Variants in MARCHF8 observed in about 807,000 individuals in gnomAD.
The protein encoded by MARCHF8 is membrane associated ring-CH-type finger 8.
Under a neutral mutation model 51.6 loss-of-function variants are expected in MARCHF8, and 40 were observed. That is an observed-to-expected ratio of 0.77 (90% CI 0.60 to 1.01). MARCHF8 has a LOEUF of 1.01. MARCHF8 is among the 50% of genes least tolerant of loss of function. The probability of loss-of-function intolerance (pLI) is 0.00; values close to 1 mark genes in which losing one functional copy is unlikely to be tolerated. For missense variants in MARCHF8, 685 were observed against 708.6 expected (o/e 0.97, Z 0.38); for synonymous variants, 263 against 280.3 (o/e 0.94, Z 0.62).
At chr10:45,496,594 T>C (rs1037864510) in intron 2 of MARCHF8, among the ~76,000 whole-genome samples, 1 of 152,146 alleles carries the variant, frequency 6.6e-6, no homozygotes, top group Admixed American at 6.5e-5. Flanking sequence ...TCCTTTCCTT[T>C]ATGTCTTTAA....
chr10:45,498,499 G>GAAGTCTCGCTCTGTCACC (rs2043217015), intron 2 of MARCHF8, among the ~76,000 whole-genome samples: 1 of 148,760 alleles, frequency 6.7e-6, no homozygotes, highest in Non-Finnish European at 1.5e-5. Flanking sequence ...TTTTTTTTGA[G>GAAGTCTCGCTCTGTCACC]AAGTCTCGCT....
chr10:45,488,918 C>A (rs2043032824), intron 3 of MARCHF8, among the ~76,000 whole-genome samples: 1 of 152,186 alleles, frequency 6.6e-6, no homozygotes, highest in Non-Finnish European at 1.5e-5. Context: ...CACAGTGGCA[C>A]CCCGAACAGC....
At chr10:45,575,323 C>T (rs11239565) in intron 1 of MARCHF8, among the ~76,000 whole-genome samples, 44,177 of 152,024 alleles carry the variant, frequency 0.29, 6,994 homozygotes, top group African/African-American at 0.41. Context: ...TCAATCTCTT[C>T]CCACACAAGG....
At position 45,459,169 on chromosome 10, in the gene MARCHF8, A is replaced by G; in HGVS notation, c.1368T>C (p.Tyr456=). 6.2e-7 allele frequency: 1 copy of G among 1,614,106 alleles called. No homozygotes were observed. The highest frequency in any genetic ancestry group is 8.5e-7 in the Non-Finnish European group (1 of 1,180,030). The change falls in exon 7 of 8, where the codon TAT becomes TAC. Residue 456 remains tyrosine (Y), a synonymous_variant. Coordinates refer to ENST00000453424, the MANE Select transcript of MARCHF8 (RefSeq NM_001282866.2). ...IAITCVVWSL[Y]VLIDRTAEEI... is the part of the protein sequence containing the mutation. ...CCTCAGCAGTACGGTCAATGAGCAC[A>G]TACAAGGACCAGACCACACATGTGA...
chr10:45,537,659 A>C (rs1449968960), upstream of MARCHF8, among the ~76,000 whole-genome samples: 2 of 151,872 alleles, frequency 1.3e-5, no homozygotes, highest in Non-Finnish European at 2.9e-5. Context: ...TCTCAAAAAA[A>C]AAAAAAAAGA....
chr10:45,559,072 G>A (rs1439307758), intron 1 of MARCHF8, among the ~76,000 whole-genome samples: 1 of 152,136 alleles, frequency 6.6e-6, no homozygotes, highest in Non-Finnish European at 1.5e-5. Context: ...TATTCAGGAG[G>A]AATATGTATT....
intron 2 of MARCHF8, among the ~76,000 whole-genome samples, chr10:45,532,289 T>G (rs2043900536): frequency 6.6e-6 from 1 of 152,238 alleles, no homozygotes; most frequent in Non-Finnish European, 1.5e-5. Context: ...TGAGGGTGTA[T>G]ATCAAAAAGA....
intron 2 of MARCHF8, among the ~76,000 whole-genome samples, chr10:45,510,057 G>C (rs561028177): frequency 1.1e-4 from 17 of 152,298 alleles, no homozygotes; most frequent in Admixed American, 8.5e-4. Context: ...GAATGGGATA[G>C]AGTAGTACAG....
At chr10:45,497,184 T>C (rs142174655) in intron 2 of MARCHF8, among the ~76,000 whole-genome samples, 2 of 151,974 alleles carry the variant, frequency 1.3e-5, no homozygotes, top group Non-Finnish European at 2.9e-5. Context: ...TAATATCAGA[T>C]AAAAAAGACT....
intron 2 of MARCHF8, among the ~76,000 whole-genome samples, chr10:45,509,095 T>C (rs1342504744): frequency 6.6e-6 from 1 of 152,204 alleles, no homozygotes; most frequent in Non-Finnish European, 1.5e-5. Context: ...GCCAGGTACT[T>C]TGGGGCACAG....
At chr10:45,493,138 T>C (rs1244704270) in intron 2 of MARCHF8, among the ~76,000 whole-genome samples, 1 of 152,168 alleles carries the variant, frequency 6.6e-6, no homozygotes, top group Non-Finnish European at 1.5e-5. Context: ...ATACATAAAG[T>C]ATATCAAGGT....
chr10:45,526,921 T>C (rs1281977438), intron 2 of MARCHF8, among the ~76,000 whole-genome samples: 1 of 152,244 alleles, frequency 6.6e-6, no homozygotes, highest in Non-Finnish European at 1.5e-5. Flanking sequence ...TCATTTCAAG[T>C]TGTCTTCTCA....
At chr10:45,575,620 T>C (rs1448407775) in intron 1 of MARCHF8, among the ~76,000 whole-genome samples, 4 of 152,170 alleles carry the variant, frequency 2.6e-5, no homozygotes, top group African/African-American at 9.7e-5. Context: ...TATCTATCCA[T>C]ACCAGCCCCA....
chr10:45,459,044 GA>G, intron 7 of MARCHF8, 75 bp downstream of exon 7: 1 of 1,576,848 alleles, frequency 6.3e-7, no homozygotes. Context: ...TGGCTAACTG[GA>G]AAATCCTCTG....
At chr10:45,547,214 A>G (rs1200286784) in intron 1 of MARCHF8, among the ~76,000 whole-genome samples, 4 of 152,266 alleles carry the variant, frequency 2.6e-5, no homozygotes, top group African/African-American at 4.8e-5. Flanking sequence ...ACTAAAAAGT[A>G]TAAAAATACT....
At position 45,474,399 on chromosome 10, in the gene MARCHF8, T is replaced by C. The variant is rs545308347; in HGVS notation, c.154-10072A>G. Among the ~76,000 whole-genome samples, 6 of 151,856 alleles carry C rather than the reference T, an allele frequency of 4.0e-5. No individual in the cohort carries two copies. The South Asian group carries it at 8.4e-4, about 21-fold the overall frequency. ...CCTGGTACCCCGAGACAATGGCCCC[T>C]TGACAGGCAGAGGCTCACAGCAGAG... On this transcript the variant is annotated intron_variant, in intron 3 of 7. Coordinates refer to ENST00000453424, the MANE Select transcript of MARCHF8 (RefSeq NM_001282866.2).
chr10:45,464,450 AAC>A (rs1842903212), intron 3 of MARCHF8, 123 bp from the exon 4 acceptor site: 1 of 762,796 alleles, frequency 1.3e-6, no homozygotes, highest in African/African-American at 1.7e-5. Context: ...CTCAACGAGT[AAC>A]ACATATTAGA....
Position 45,463,286 on chromosome 10 carries a change from G to A in MARCHF8, c.953C>T (p.Ser318Phe). ...GDDDVFEDSTSAKLKSRVLRA... is the reference protein window; with the variant it reads ...GDDDVFEDSTFAKLKSRVLRA... ...CAGAACCCTACTCTTCAGTTTTGCA[G>A]ATGTGCTGTCCTCAAAGACATCGTC... The change falls in exon 5 of 8, where the codon TCT becomes TTT. Residue 318 changes from serine (S) to phenylalanine (F), a missense_variant. Physicochemically the swap from Ser to Phe is radical, Grantham distance 155 (BLOSUM62 -2). Transcript: ENST00000453424. The A allele has an allele frequency of 6.4e-7, 1 of 1,551,026 alleles. No homozygotes were observed. Among genetic ancestry groups the A allele is most frequent in the Non-Finnish European group, 8.7e-7 (1 of 1,147,090 alleles).
intron 1 of MARCHF8, among the ~76,000 whole-genome samples, chr10:45,590,375 C>G (rs902109395): frequency 1.3e-5 from 2 of 152,048 alleles, no homozygotes; most frequent in African/African-American, 4.8e-5. Context: ...GATACTAGAC[C>G]TTTAATAGAT....
Sources: allele counts gnomAD v4.1 joint callset (sites outside exome capture counted in the v4.1 genomes callset), GRCh38; gene constraint gnomAD v4.1.1; transcripts MANE v1.5; gene names NCBI Gene and HGNC (gene_info 2026-07-23, HGNC 2026-07-21).